Variants in IFT88 observed in about 807,000 individuals in gnomAD.
IFT88 encodes intraflagellar transport 88, also known as intraflagellar transport protein 88 homolog.
IFT88 carries 74 observed loss-of-function variants against 119.5 expected under a neutral mutation model. The ratio of observed to expected loss-of-function variants is 0.62; its 90% CI spans 0.51 to 0.75. The LOEUF is 0.75. IFT88 is among the 30% of genes least tolerant of loss of function. IFT88 has a pLI of 0.00. For missense variants in IFT88, 961 were observed against 977.7 expected (o/e 0.98, Z 0.23); for synonymous variants, 279 against 316.7 (o/e 0.88, Z 1.26).
At position 20,575,883 on chromosome 13, in the gene IFT88, C is replaced by T. The variant is rs117583822; in HGVS notation, c.90+1408C>T. ...GATTTCTTTTCGTTTGAGTATATTC[C>T]TAGCAGTGGGATTGTTGGATCATAT... On this transcript the variant is annotated intron_variant, in intron 2 of 25. Coordinates refer to ENST00000351808, the MANE Select transcript of IFT88 (RefSeq NM_006531.5). Among the ~76,000 whole-genome samples, 1,460 of 152,276 alleles carry T rather than the reference C, an allele frequency of 9.6e-3. 6 individuals carry two copies. The highest frequency in any genetic ancestry group is 0.014 in the Non-Finnish European group (980 of 68,024).
chr13:20,641,153 A>G, intron 17 of IFT88, 137 bp from the exon 18 acceptor site: 2 of 593,536 alleles, frequency 3.4e-6, no homozygotes, highest in Non-Finnish European at 5.7e-6. Context: ...GTATCAAAAA[A>G]CAAAAACCTG....
At chr13:20,615,201 C>T (rs971191697) in intron 13 of IFT88, among the ~76,000 whole-genome samples, 5 of 152,012 alleles carry the variant, frequency 3.3e-5, no homozygotes, top group African/African-American at 1.2e-4. Flanking sequence ...TTTTAAAAAC[C>T]ACTACTTATA....
At chr13:20,623,696 C>T (rs1407887712) in intron 14 of IFT88, among the ~76,000 whole-genome samples, 1 of 152,074 alleles carries the variant, frequency 6.6e-6, no homozygotes, top group Admixed American at 6.6e-5. Context: ...AGGATGGTCT[C>T]AATCTCCTGA....
At chr13:20,608,906 A>C (rs963139640) in intron 13 of IFT88, among the ~76,000 whole-genome samples, 29 of 152,072 alleles carry the variant, frequency 1.9e-4, no homozygotes, top group Non-Finnish European at 4.0e-4. Context: ...CTCTGCCTCC[A>C]CTTCTCTTGG....
At chr13:20,578,981 A>G (rs1314301357) in intron 2 of IFT88, among the ~76,000 whole-genome samples, 1 of 152,180 alleles carries the variant, frequency 6.6e-6, no homozygotes, top group Non-Finnish European at 1.5e-5. Context: ...CACAAAACCA[A>G]CTTTTTGTTT....
At chr13:20,627,588 G>A (rs958790552) in intron 15 of IFT88, among the ~76,000 whole-genome samples, 14 of 151,972 alleles carry the variant, frequency 9.2e-5, no homozygotes, top group African/African-American at 3.1e-4. Flanking sequence ...AAAATTAGCC[G>A]GGCGTGGTGG....
intron 2 of IFT88, among the ~76,000 whole-genome samples, chr13:20,581,794 G>A (rs1444690877): frequency 7.9e-5 from 12 of 151,228 alleles, no homozygotes; most frequent in Admixed American, 5.3e-4. Flanking sequence ...TTGAGGCTGC[G>A]GTGAGCTGTG....
At chr13:20,641,563 T>G in intron 18 of IFT88, 165 bp downstream of exon 18, 1 of 476,070 alleles carries the variant, frequency 2.1e-6, no homozygotes, top group Non-Finnish European at 3.7e-6. Context: ...ATCATTTGAG[T>G]AATCCTATTT....
chr13:20,591,408 C>G (rs1010219549), intron 5 of IFT88, among the ~76,000 whole-genome samples: 3 of 152,012 alleles, frequency 2.0e-5, no homozygotes, highest in Admixed American at 1.3e-4. Context: ...TTTTTTAAAA[C>G]TATAGCCCAA....
chr13:20,641,460 A>G (rs1257735606), intron 18 of IFT88, 62 bp downstream of exon 18: 1 of 976,302 alleles, frequency 1.0e-6, no homozygotes. Flanking sequence ...TTGAAGATCA[A>G]TTATTAAATA....
At chr13:20,609,227 G>A (rs2044034894) in intron 13 of IFT88, among the ~76,000 whole-genome samples, 1 of 152,140 alleles carries the variant, frequency 6.6e-6, no homozygotes, top group African/African-American at 2.4e-5. Flanking sequence ...GTATTTAGTA[G>A]GAAACAATGC....
intron 3 of IFT88, 54 bp from the exon 4 acceptor site, chr13:20,589,757 C>T: frequency 9.5e-7 from 1 of 1,057,174 alleles, no homozygotes; most frequent in East Asian, 2.4e-5. Flanking sequence ...TTCCAGTTTT[C>T]TATTATATAG....
At chr13:20,669,114 A>C (rs1292217498) in intron 23 of IFT88, among the ~76,000 whole-genome samples, 1 of 152,202 alleles carries the variant, frequency 6.6e-6, no homozygotes, top group East Asian at 1.9e-4. Context: ...GACAAGAAGG[A>C]GGCAAGGACC....
intron 17 of IFT88, among the ~76,000 whole-genome samples, chr13:20,640,491 T>G (rs1594528180): frequency 6.6e-6 from 1 of 151,914 alleles, no homozygotes; most frequent in East Asian, 1.9e-4. Context: ...GAGAATGGCA[T>G]GAACCCAGGA....
chr13:20,606,546 C>G (rs1449550461), intron 13 of IFT88, among the ~76,000 whole-genome samples: 1 of 152,128 alleles, frequency 6.6e-6, no homozygotes, highest in East Asian at 1.9e-4. Context: ...TACTTAAAAT[C>G]CAGGGTCTCA....
chr13:20,665,073 C>T (rs776241393), intron 23 of IFT88, among the ~76,000 whole-genome samples: 2 of 138,924 alleles, frequency 1.4e-5, no homozygotes, highest in Non-Finnish European at 3.0e-5. Context: ...AGCGACACTC[C>T]GTCTCAAAAA....
intron 22 of IFT88, among the ~76,000 whole-genome samples, chr13:20,661,696 GTGCAC>G (rs1006932716): frequency 1.3e-5 from 2 of 151,114 alleles, no homozygotes; most frequent in African/African-American, 4.9e-5. Flanking sequence ...TATTGCGCCA[GTGCAC>G]TCCAGCCCAG....
intron 22 of IFT88, among the ~76,000 whole-genome samples, chr13:20,658,720 G>A (rs2053290252): frequency 6.6e-6 from 1 of 152,178 alleles, no homozygotes; most frequent in Non-Finnish European, 1.5e-5. Context: ...CAATAGATTA[G>A]CTAGTAGCTC....
intron 1 of IFT88, among the ~76,000 whole-genome samples, chr13:20,570,044 A>G (rs1361900109): frequency 6.6e-6 from 1 of 152,116 alleles, no homozygotes; most frequent in Admixed American, 6.6e-5. Flanking sequence ...GTCTCAAAAA[A>G]AAAAAAAAAT....
Sources: gnomAD v4.1 joint callset for allele counts (sites outside exome capture counted in the v4.1 genomes callset) on GRCh38, gnomAD v4.1.1 for gene constraint, MANE v1.5 for transcripts, NCBI Gene and HGNC (gene_info 2026-07-23, HGNC 2026-07-21) for gene names.